The following SLC11A2 variants were observed in gnomAD, a reference collection of about 807,000 sequenced individuals.
SLC11A2 encodes the protein solute carrier family 11 member 2, also known as natural resistance-associated macrophage protein 2.
A neutral mutation model predicts 68.0 loss-of-function variants in SLC11A2; 38 were observed. The observed-to-expected ratio is 0.56, with a 90% CI of 0.43 to 0.73. The LOEUF (loss-of-function observed/expected upper bound fraction) is 0.73. Among genes scored for constraint, SLC11A2 ranks in the 30% least tolerant of loss-of-function variants. The probability of loss-of-function intolerance (pLI) is 0.00; values close to 1 mark genes in which losing one functional copy is unlikely to be tolerated. For synonymous variants in SLC11A2, 242 were observed against 250.6 expected (o/e 0.97, Z 0.32); for missense variants, 517 against 690.5 (o/e 0.75, Z 2.82).
chr12:50,974,734 T>C (rs1258869609), downstream of SLC11A2, among the ~76,000 whole-genome samples: 3 of 152,080 alleles, frequency 2.0e-5, no homozygotes, highest in Non-Finnish European at 4.4e-5. Context: ...TGTGCTATAT[T>C]CAGGAAACCC....
intron 1 of SLC11A2, chr12:51,024,457 A>T (rs950624099): frequency 2.0e-5 from 3 of 152,272 alleles, no homozygotes; most frequent in Non-Finnish European, 4.4e-5. Flanking sequence ...CAGGTGGATC[A>T]CTTGAGGTCA....
At chr12:50,956,028 T>A in the SLC11A2 span, among the ~76,000 whole-genome samples, 1 of 152,182 alleles carries the variant, frequency 6.6e-6, no homozygotes, top group African/African-American at 2.4e-5. Context: ...CAAAACCAAT[T>A]TAAGTAAGAA....
the SLC11A2 span, among the ~76,000 whole-genome samples, chr12:50,962,232 T>TACACAC: frequency 1.4e-5 from 2 of 146,196 alleles, no homozygotes; most frequent in African/African-American, 2.5e-5. Flanking sequence ...CTAAAAAAAT[T>TACACAC]ACACACACAC....
the SLC11A2 span, among the ~76,000 whole-genome samples, chr12:50,952,293 A>C: frequency 2.0e-5 from 3 of 152,180 alleles, no homozygotes; most frequent in Admixed American, 6.6e-5. Context: ...TTAAAGAAAG[A>C]AACATGTTAA....
the SLC11A2 span, among the ~76,000 whole-genome samples, chr12:50,963,668 G>A: frequency 6.6e-6 from 1 of 152,292 alleles, no homozygotes; most frequent in South Asian, 2.1e-4. Flanking sequence ...AATAAAGTGA[G>A]CCAGCAGAGA....
chr12:50,963,369 C>CAAAAAAAAAAAAA, the SLC11A2 span, among the ~76,000 whole-genome samples: 38 of 72,400 alleles, frequency 5.2e-4, no homozygotes, highest in Non-Finnish European at 6.5e-4. Context: ...GACTCCATCT[C>CAAAAAAAAAAAAA]AAAAAAAAAA....
chr12:50,960,578 T>C, the SLC11A2 span, among the ~76,000 whole-genome samples: 2 of 152,202 alleles, frequency 1.3e-5, no homozygotes, highest in Admixed American at 1.3e-4. Flanking sequence ...AAATGTTCTT[T>C]GCTGGAGTCT....
chr12:51,018,972 T>C lies in SLC11A2; in HGVS notation c.-39+7338A>G, dbSNP rs1483361237. ...TCCTCCTTTTTTTTCATCACCTTCC[T>C]CATCTCAATAAAATCAAAGACAACA... On this transcript the variant is annotated intron_variant, in intron 1 of 15. Coordinates refer to ENST00000262052, the MANE Select transcript of SLC11A2 (RefSeq NM_000617.3). 2.6e-5 allele frequency among the ~76,000 whole-genome samples: 4 copies of C among 152,140 alleles called. No homozygotes were observed. In the East Asian group the frequency reaches 7.7e-4, roughly 29 times the overall value.
chr12:51,006,207 G>A (rs191586351), intron 3 of SLC11A2: 1,816 of 161,516 alleles, frequency 0.011, 24 homozygotes, highest in Non-Finnish European at 0.017. Context: ...GCTGAGGCAG[G>A]AGAATCACTT....
intron 2 of SLC11A2, chr12:51,009,278 G>A: frequency 7.7e-7 from 1 of 1,297,672 alleles, no homozygotes; most frequent in Non-Finnish European, 9.7e-7. Context: ...AGTGCCGCCG[G>A]TCACGGGGTA....
chr12:50,956,137 A>G, the SLC11A2 span, among the ~76,000 whole-genome samples: 4 of 152,244 alleles, frequency 2.6e-5, no homozygotes, highest in Non-Finnish European at 5.9e-5. Context: ...CATGCCTGTA[A>G]TCCCAACACT....
At chr12:50,972,352 G>A in the SLC11A2 span, among the ~76,000 whole-genome samples, 198 of 152,294 alleles carry the variant, frequency 1.3e-3, 6 homozygotes, top group East Asian at 0.036. Context: ...GCAATGCTAA[G>A]TATTCATTTG....
intron 1 of SLC11A2, among the ~76,000 whole-genome samples, chr12:51,025,439 A>G (rs796775378): frequency 2.6e-4 from 39 of 152,354 alleles, no homozygotes; most frequent in African/African-American, 9.1e-4. Context: ...AAGCCAAGAA[A>G]TCATGCGAAC....
chr12:50,956,138 TC>T, the SLC11A2 span, among the ~76,000 whole-genome samples: 2 of 152,230 alleles, frequency 1.3e-5, no homozygotes, highest in African/African-American at 2.4e-5. Context: ...ATGCCTGTAA[TC>T]CCAACACTTT....
At chr12:50,998,021 G>A (rs1173190146) in intron 8 of SLC11A2, among the ~76,000 whole-genome samples, 1 of 151,008 alleles carries the variant, frequency 6.6e-6, no homozygotes, top group Admixed American at 6.6e-5. Flanking sequence ...AGAAAAAGCT[G>A]CTAAGGGACT....
At chr12:51,011,703 C>T (rs1943251972) in intron 1 of SLC11A2, among the ~76,000 whole-genome samples, 1 of 151,978 alleles carries the variant, frequency 6.6e-6, no homozygotes, top group Non-Finnish European at 1.5e-5. Flanking sequence ...GCTGAGATTA[C>T]AGGCGTGTGC....
At chr12:50,971,678 A>C in the SLC11A2 span, among the ~76,000 whole-genome samples, 1 of 152,184 alleles carries the variant, frequency 6.6e-6, no homozygotes, top group African/African-American at 2.4e-5. Context: ...CTTAATCCCA[A>C]AGACTCCAAG....
chr12:50,991,708 G>A (rs1228098147), intron 13 of SLC11A2, 36 bp from the exon 14 acceptor site: 1 of 1,521,216 alleles, frequency 6.6e-7, no homozygotes, highest in East Asian at 2.3e-5. Flanking sequence ...GATTACTATG[G>A]GTCCTTGTAT....
At chr12:51,005,265 A>T in intron 4 of SLC11A2, 46 bp downstream of exon 4, 1 of 1,602,944 alleles carries the variant, frequency 6.2e-7, no homozygotes, top group Non-Finnish European at 8.5e-7. Context: ...AGGATGTGAG[A>T]GTGTATTATG....
Sources: allele counts gnomAD v4.1 joint callset (sites outside exome capture counted in the v4.1 genomes callset), GRCh38; gene constraint gnomAD v4.1.1; transcripts MANE v1.5; gene names NCBI Gene and HGNC (gene_info 2026-07-23, HGNC 2026-07-21).